Variants in STK32B observed in about 807,000 individuals in gnomAD.
STK32B encodes serine/threonine-protein kinase 32B.
A neutral mutation model predicts 52.6 loss-of-function variants in STK32B; 43 were observed. The observed-to-expected ratio is 0.82, with a 90% confidence interval of 0.64 to 1.05. The LOEUF (loss-of-function observed/expected upper bound fraction) is 1.05. Among genes scored for constraint, STK32B ranks in the 50% least tolerant of loss-of-function variants. STK32B has a pLI of 0.00. For missense variants in STK32B, 621 were observed against 534.6 expected (o/e 1.16, Z -1.59); for synonymous variants, 238 against 204.3 (o/e 1.17, Z -1.41).
rs1716207143 is a variant in STK32B, at chr4:5,453,533, T to G, written c.667-3274T>G. On this transcript the variant is annotated intron_variant, in intron 7 of 11. Transcript: ENST00000282908. The surrounding 1 kb of genome is among the most constrained non-coding windows in gnomAD (Gnocchi z 4.0). ...ATTGTCCAGGGTCTTTGCACCTCCTTTTCAGGGTAGGGGTGGGACTGTTTT... is the reference window on the plus strand; with the variant it reads ...ATTGTCCAGGGTCTTTGCACCTCCTGTTCAGGGTAGGGGTGGGACTGTTTT... Among the ~76,000 whole-genome samples, 1 of 152,072 alleles carries G rather than the reference T, an allele frequency of 6.6e-6. No homozygotes were observed. The highest frequency in any genetic ancestry group is 1.5e-5 in the Non-Finnish European group (1 of 68,010).
intron 11 of STK32B, among the ~76,000 whole-genome samples, chr4:5,496,158 TTGTC>T (rs1357768621): frequency 2.0e-5 from 3 of 152,194 alleles, no homozygotes; most frequent in Non-Finnish European, 4.4e-5. Context: ...GTCTTTTTGT[TTGTC>T]TGTGCCCTGC....
At position 5,399,233 on chromosome 4, in the gene STK32B, A is replaced by C. The variant is rs1737127139; in HGVS notation, c.472+989A>C. Among the ~76,000 whole-genome samples, 1 of 150,992 alleles carries C rather than the reference A, an allele frequency of 6.6e-6. No individual in the cohort carries two copies. On this transcript the variant is annotated intron_variant, in intron 5 of 11. Coordinates refer to ENST00000282908, the MANE Select transcript of STK32B (RefSeq NM_018401.3). The surrounding 1 kb of genome is among the most constrained non-coding windows in gnomAD (Gnocchi z 5.4). ...AGGGAGCAGGTGCGAATTCTTCTGA[A>C]GTAGGGATTCTCATCCCTGCTGAGG... is the stretch of plus-strand genomic sequence containing the variant.
At position 5,393,489 on chromosome 4, in the gene STK32B, T is replaced by A. The variant is rs562357704; in HGVS notation, c.435-4718T>A. Among the ~76,000 whole-genome samples the A allele has an allele frequency of 9.9e-5, 15 of 152,276 alleles. No individual in the cohort carries two copies. The East Asian group carries it at 2.9e-3, about 29-fold the overall frequency. ...CATTGACTCATGGTTCTGAAGGCAG[T>A]ACAGGAAGCATGGCAGCATCTGCTT... is the stretch of plus-strand genomic sequence containing the variant. On this transcript the variant is annotated intron_variant, in intron 4 of 11. Transcript: ENST00000282908.
intron 3 of STK32B, among the ~76,000 whole-genome samples, chr4:5,171,527 G>A (rs917466693): frequency 5.9e-5 from 9 of 152,080 alleles, no homozygotes; most frequent in African/African-American, 1.9e-4. Flanking sequence ...TCTCCATATG[G>A]CTAGCCAGTT....
intron 3 of STK32B, among the ~76,000 whole-genome samples, chr4:5,301,664 CTT>C (rs3077861): frequency 0.14 from 15,474 of 108,398 alleles, 1,094 homozygotes; most frequent in African/African-American, 0.24. Flanking sequence ...TCTTTTCTTT[CTT>C]TTTTTTTTTT....
intron 3 of STK32B, among the ~76,000 whole-genome samples, chr4:5,258,942 C>A (rs1163614688): frequency 6.6e-6 from 1 of 152,190 alleles, no homozygotes; most frequent in African/African-American, 2.4e-5. Context: ...ATCTCTCCAG[C>A]CTCATCTGCT....
chr4:5,434,947 A>G (rs563003990), intron 6 of STK32B, among the ~76,000 whole-genome samples: 4 of 152,236 alleles, frequency 2.6e-5, no homozygotes, highest in African/African-American at 9.6e-5. Context: ...AAGTTATAAG[A>G]CTGACATTCT....
the STK32B span, among the ~76,000 whole-genome samples, chr4:5,042,272 C>T: frequency 6.6e-6 from 1 of 152,212 alleles, no homozygotes; most frequent in Non-Finnish European, 1.5e-5. Flanking sequence ...TTTCCATGAT[C>T]TCTCCATAGT....
intron 1 of STK32B, among the ~76,000 whole-genome samples, chr4:5,129,089 G>C (rs1227327853): frequency 2.0e-5 from 3 of 152,192 alleles, no homozygotes; most frequent in African/African-American, 7.2e-5. Context: ...ATGTCCATAA[G>C]TTATGGGGAA....
At chr4:5,222,278 A>G (rs1017745892) in intron 3 of STK32B, among the ~76,000 whole-genome samples, 2 of 152,220 alleles carry the variant, frequency 1.3e-5, no homozygotes, top group African/African-American at 4.8e-5. Flanking sequence ...TACCTAAAAA[A>G]GTGGAAGTAG....
At chr4:5,407,052 A>G (rs1737729128) in intron 5 of STK32B, among the ~76,000 whole-genome samples, 1 of 152,156 alleles carries the variant, frequency 6.6e-6, no homozygotes, top group Non-Finnish European at 1.5e-5. Context: ...ACTCATGAAT[A>G]TAAACATAGG....
At chr4:5,482,845 CAT>C (rs1232349184) in intron 11 of STK32B, among the ~76,000 whole-genome samples, 7 of 152,188 alleles carry the variant, frequency 4.6e-5, no homozygotes, top group African/African-American at 9.7e-5. Context: ...TTGAGATAAT[CAT>C]GTGGTTTTTG....
At chr4:5,280,826 A>G (rs1244414577) in intron 3 of STK32B, among the ~76,000 whole-genome samples, 1 of 151,990 alleles carries the variant, frequency 6.6e-6, no homozygotes, top group Non-Finnish European at 1.5e-5. Context: ...TTGAGCCCAG[A>G]AGGCAGAGGT....
At chr4:5,129,537 G>C in intron 1 of STK32B, among the ~76,000 whole-genome samples, 1 of 152,092 alleles carries the variant, frequency 6.6e-6, no homozygotes, top group Non-Finnish European at 1.5e-5. Flanking sequence ...AAACTTATTT[G>C]GCAGAACATT....
intron 3 of STK32B, among the ~76,000 whole-genome samples, chr4:5,256,827 A>G (rs537718693): frequency 3.8e-4 from 58 of 152,310 alleles, no homozygotes; most frequent in African/African-American, 1.3e-3. Flanking sequence ...GAACGATGTC[A>G]GGTGTTTTTC....
chr4:5,498,038 C>T (rs966655028), intron 11 of STK32B, among the ~76,000 whole-genome samples: 2 of 151,930 alleles, frequency 1.3e-5, no homozygotes, highest in African/African-American at 4.8e-5. Context: ...GCAAAGTGAA[C>T]AATAGAATCC....
chr4:5,484,723 G>C lies in STK32B; in HGVS notation c.1107-14222G>C, dbSNP rs531096852. 3.0e-4 allele frequency among the ~76,000 whole-genome samples: 46 copies of C among 152,214 alleles called. No homozygotes were observed. The South Asian group carries it at 7.5e-3, about 25-fold the overall frequency. ...ATTTGGCATGTTTTTGCAGTGGCTG[G>C]TACCAGTTGTTCCTTTCCATGTTTA... is the stretch of plus-strand genomic sequence containing the variant. On this transcript the variant is annotated intron_variant, in intron 11 of 11. Coordinates refer to ENST00000282908, the MANE Select transcript of STK32B (RefSeq NM_018401.3).
chr4:5,488,364 G>C (rs1056510108), intron 11 of STK32B, among the ~76,000 whole-genome samples: 1 of 152,168 alleles, frequency 6.6e-6, no homozygotes, highest in Non-Finnish European at 1.5e-5. Flanking sequence ...TTGGAATCCA[G>C]AATTAACAAA....
chr4:5,140,440 A>ATTT, intron 2 of STK32B: 2 of 441,092 alleles, frequency 4.5e-6, no homozygotes, highest in Non-Finnish European at 6.5e-6. Flanking sequence ...ATACTCAGAA[A>ATTT]TTTTTTTTTT....
Sources: gnomAD v4.1 joint callset for allele counts (sites outside exome capture counted in the v4.1 genomes callset) on GRCh38, gnomAD v4.1.1 for gene constraint, Gnocchi (gnomAD v3.1) non-coding constraint, MANE v1.5 for transcripts, NCBI Gene and HGNC (gene_info 2026-07-23, HGNC 2026-07-21) for gene names.